The following CHRAC1 variants were observed in gnomAD, a reference collection of about 807,000 sequenced individuals.
The protein encoded by CHRAC1 is chromatin accessibility complex subunit 1.
Under a neutral mutation model 9.1 loss-of-function variants are expected in CHRAC1, and 6 were observed. The observed-to-expected ratio is 0.66, with a 90% CI of 0.36 to 1.29. The LOEUF is 1.29. Ranked by LOEUF, CHRAC1 falls within the 50% of genes most tolerant of loss-of-function variation. CHRAC1 has a pLI of 0.03. For missense variants in CHRAC1, 168 were observed against 163.5 expected, an observed-to-expected ratio of 1.03 and a Z score of -0.15; for synonymous variants, 73 against 64.5, an observed-to-expected ratio of 1.13 and a Z score of -0.63.
At chr8:140,512,232 T>G (rs2132813631) in intron 1 of CHRAC1, among the ~76,000 whole-genome samples, 1 of 152,160 alleles carries the variant, frequency 6.6e-6, no homozygotes, top group Non-Finnish European at 1.5e-5. Flanking sequence ...TGCTTCGTGC[T>G]TTGAGGGCCC....
rs1399739144 is a variant in CHRAC1 at position 140,515,808 on chromosome 8, G to A, written c.*561G>A. ...ATATTTTTACAGTAAAATGCTTTAT[G>A]GAACTAGTTTTAGAGCCCTCTATGG... On this transcript the variant is annotated 3_prime_UTR_variant, in exon 3 of 3. Transcript: ENST00000220913. 6.6e-6 allele frequency: 1 copy of A among 152,114 alleles called. No individual in the cohort carries two copies. The highest frequency in any genetic ancestry group is 6.5e-5 in the Admixed American group (1 of 15,268). 9.4% of individuals were successfully genotyped at this position (152,114 alleles called of 1,614,324 possible). A position where few individuals can be genotyped will look rare whatever the true frequency, so the allele number is the denominator to read the frequency against.
Position 140,515,937 on chromosome 8 carries a change from A to G in CHRAC1, c.*690A>G, listed in dbSNP as rs1479126041. The G allele has an allele frequency of 1.3e-5, 2 of 152,182 alleles. No individual in the cohort carries two copies. Among genetic ancestry groups the G allele is most frequent in the Admixed American group, 1.3e-4 (2 of 15,278 alleles). 9.4% of individuals were successfully genotyped at this position (152,182 alleles called of 1,614,324 possible). A position where few individuals can be genotyped will look rare whatever the true frequency, so the allele number is the denominator to read the frequency against. ...AATTCCAAGTCAAATTATCAAATCAAATACAAAAATAAGTCTTACCTCTTG... is the reference window on the plus strand; with the variant it reads ...AATTCCAAGTCAAATTATCAAATCAGATACAAAAATAAGTCTTACCTCTTG... On this transcript the variant is annotated 3_prime_UTR_variant, in exon 3 of 3. Transcript: ENST00000220913.
Position 140,512,036 on chromosome 8 carries a change from G to T in CHRAC1, c.147+390G>T, listed in dbSNP as rs563120782. On this transcript the variant is annotated intron_variant, in intron 1 of 2. Coordinates refer to ENST00000220913, the MANE Select transcript of CHRAC1 (RefSeq NM_017444.6). ...CCATTCGGCAAACCCGTAAGCTCCC[G>T]CGTTCCTCTGCGCGCCTTTCGTCCC... 1.6e-5 allele frequency: 21 copies of T among 1,274,386 alleles called. No individual in the cohort carries two copies. In the East Asian group the frequency reaches 4.9e-4, roughly 30 times the overall value. The allele number at this position is 1,274,386 out of a possible 1,614,324, so 78.9% of individuals were successfully genotyped here. A position where few individuals can be genotyped will look rare whatever the true frequency, so the allele number is the denominator to read the frequency against.
At position 140,516,765 on chromosome 8, in the gene CHRAC1, C is replaced by T. The variant is rs1224050803; in HGVS notation, c.*1518C>T. On this transcript the variant is annotated 3_prime_UTR_variant, in exon 3 of 3. Coordinates refer to ENST00000220913, the MANE Select transcript of CHRAC1 (RefSeq NM_017444.6). ...AAGTCACTACCACCACCACAATTAACAGCTATATCACCCTCCAGTAAATTC... is the reference window on the plus strand; with the variant it reads ...AAGTCACTACCACCACCACAATTAATAGCTATATCACCCTCCAGTAAATTC... The T allele has an allele frequency of 6.6e-6, 1 of 152,240 alleles. No individual in the cohort carries two copies. Among genetic ancestry groups the T allele is most frequent in the Non-Finnish European group, 1.5e-5 (1 of 68,046 alleles). 9.4% of individuals were successfully genotyped at this position (152,240 alleles called of 1,614,324 possible).
In CHRAC1 at chr8:140,511,446, G is replaced by C; in HGVS notation, c.-54G>C. ...ACCCACCAGCTGGCCGGGCAGGGCA[G>C]CCACTTCGCGGTCGGGCCCGCCGGC... is the stretch of plus-strand genomic sequence containing the variant. On this transcript the variant is annotated 5_prime_UTR_variant, in exon 1 of 3. Transcript: ENST00000220913. 1.6e-6 allele frequency: 2 copies of C among 1,283,792 alleles called. No individual in the cohort carries two copies. Among genetic ancestry groups the C allele is most frequent in the Non-Finnish European group, 2.0e-6 (2 of 1,003,420 alleles). 79.5% of individuals were successfully genotyped at this position (1,283,792 alleles called of 1,614,324 possible).
At position 140,516,956 on chromosome 8, in the gene CHRAC1, G is replaced by T. The variant is rs1255214181; in HGVS notation, c.*1709G>T. 1 of 152,160 alleles carries T rather than the reference G, an allele frequency of 6.6e-6. No homozygotes were observed. The highest frequency in any genetic ancestry group is 2.4e-5 in the African/African-American group (1 of 41,422). The allele number at this position is 152,160 out of a possible 1,614,324, so 9.4% of individuals were successfully genotyped here. A position where few individuals can be genotyped will look rare whatever the true frequency, so the allele number is the denominator to read the frequency against. On this transcript the variant is annotated 3_prime_UTR_variant, in exon 3 of 3. Transcript: ENST00000220913. ...GTTGCTGCTGCTGAACTCAGCTGTT[G>T]TAGCACGAAAGCAGCCAGGTAATTA...
At chr8:140,511,968 G>GC (rs1297681789) in intron 1 of CHRAC1, 1 of 1,287,106 alleles carries the variant, frequency 7.8e-7, no homozygotes, top group African/African-American at 1.5e-5. Flanking sequence ...GCGCACCTTC[G>GC]CCCCGCCCAC....
chr8:140,514,986 C>T, intron 2 of CHRAC1, 140 bp from the exon 3 acceptor site: 1 of 810,300 alleles, frequency 1.2e-6, no homozygotes, highest in Non-Finnish European at 2.0e-6. Context: ...GATATTTTAC[C>T]CAGAAATGCA....
chr8:140,515,388 C>T lies in CHRAC1; in HGVS notation c.*141C>T. On this transcript the variant is annotated 3_prime_UTR_variant, in exon 3 of 3. Coordinates refer to ENST00000220913, the MANE Select transcript of CHRAC1 (RefSeq NM_017444.6). The stretch of plus-strand genomic sequence containing the variant: ...GTGTGTGGTATTCTTTCGAGGTATT[C>T]TTTCCAGGCCGAGATTGAGCACCTC... 1.1e-6 allele frequency: 1 copy of T among 895,760 alleles called. No homozygotes were observed. The highest frequency in any genetic ancestry group is 1.8e-5 in the South Asian group (1 of 55,728). The allele number at this position is 895,760 out of a possible 1,614,324, so 55.5% of individuals were successfully genotyped here.
chr8:140,514,270 T>TAAAA (rs2072311770), intron 1 of CHRAC1, 99 bp from the exon 2 acceptor site: 1 of 1,265,702 alleles, frequency 7.9e-7, no homozygotes, highest in East Asian at 2.7e-5. Context: ...AATATACTTT[T>TAAAA]AAGCCTAATT....
At chr8:140,511,765 G>C in intron 1 of CHRAC1, 119 bp downstream of exon 1, 1 of 958,294 alleles carries the variant, frequency 1.0e-6, no homozygotes, top group Non-Finnish European at 1.4e-6. Flanking sequence ...TGCCGGGCTC[G>C]CGCGCGCCCC....
chr8:140,512,102 C>A, intron 1 of CHRAC1: 1 of 1,100,030 alleles, frequency 9.1e-7, no homozygotes, highest in Admixed American at 2.4e-5. Flanking sequence ...GTGCGGCGCT[C>A]AGTTTCCGGC....
At chr8:140,511,674 C>T (rs756446962) in intron 1 of CHRAC1, 28 bp downstream of exon 1, 3 of 1,321,808 alleles carry the variant, frequency 2.3e-6, no homozygotes, top group Non-Finnish European at 2.9e-6. Context: ...GGGTGTGGGC[C>T]GCCCTTACCC....
In CHRAC1 at chr8:140,515,323, C is replaced by G. The variant is rs1353302917; in HGVS notation, c.*76C>G. The stretch of plus-strand genomic sequence containing the variant: ...CCACTGTCTCTAAGTAAACACAGCA[C>G]TGCCCGCTTTTAGCGTCTTCACTTC... On this transcript the variant is annotated 3_prime_UTR_variant, in exon 3 of 3. Transcript: ENST00000220913. The G allele has an allele frequency of 1.4e-6, 2 of 1,469,912 alleles. No individual in the cohort carries two copies. The highest frequency in any genetic ancestry group is 2.3e-5 in the East Asian group (1 of 43,980). The allele number at this position is 1,469,912 out of a possible 1,614,324, so 91.1% of individuals were successfully genotyped here.
chr8:140,511,832 T>A, intron 1 of CHRAC1, 186 bp downstream of exon 1: 1 of 766,774 alleles, frequency 1.3e-6, no homozygotes, highest in Non-Finnish European at 2.1e-6. Flanking sequence ...CCACACTTTC[T>A]CGCGCGTCTT....
At chr8:140,512,013 A>G (rs1564058075) in intron 1 of CHRAC1, 5 of 1,265,148 alleles carry the variant, frequency 4.0e-6, no homozygotes, top group Non-Finnish European at 5.1e-6. Context: ...TCGCGCTTCC[A>G]TTCGGCAAAC....
chr8:140,515,025 C>T (rs2072319110), intron 2 of CHRAC1, 101 bp from the exon 3 acceptor site: 1 of 1,170,716 alleles, frequency 8.5e-7, no homozygotes, highest in Admixed American at 2.1e-5. Context: ...TTTGGAACCT[C>T]TTATAGAGGT....
chr8:140,514,404 C>T lies in CHRAC1; in HGVS notation c.183C>T (p.Tyr61=). ...TTCAATGCCTAGCCACCTATTCCTA[C>T]AGACACGGCAGTGGAAAGGAAAAGA... is the stretch of plus-strand genomic sequence containing the variant. ...LFVQCLATYS[Y]RHGSGKEKKV... The change falls in exon 2 of 3, where the codon TAC becomes TAT. Residue 61 remains tyrosine (Y), a synonymous_variant. Coordinates refer to ENST00000220913, the MANE Select transcript of CHRAC1 (RefSeq NM_017444.6). 1 of 1,589,040 alleles carries T rather than the reference C, an allele frequency of 6.3e-7. No individual in the cohort carries two copies.
In CHRAC1 at chr8:140,515,334, T is replaced by A; in HGVS notation, c.*87T>A. The A allele has an allele frequency of 7.3e-7, 1 of 1,377,812 alleles. No homozygotes were observed. Among genetic ancestry groups the A allele is most frequent in the East Asian group, 2.3e-5 (1 of 43,410 alleles). The allele number at this position is 1,377,812 out of a possible 1,614,324, so 85.3% of individuals were successfully genotyped here. On this transcript the variant is annotated 3_prime_UTR_variant, in exon 3 of 3. Transcript: ENST00000220913. ...AAGTAAACACAGCACTGCCCGCTTT[T>A]AGCGTCTTCACTTCTTCACAGAGTT...
Sources: gnomAD v4.1 joint callset for allele counts (sites outside exome capture counted in the v4.1 genomes callset) on GRCh38, gnomAD v4.1.1 for gene constraint, MANE v1.5 for transcripts, NCBI Gene and HGNC (gene_info 2026-07-23, HGNC 2026-07-21) for gene names.